The following RNPEP variants were observed in gnomAD, a reference collection of about 807,000 sequenced individuals.
The protein encoded by RNPEP is arginyl aminopeptidase.
RNPEP carries 57 observed loss-of-function variants against 70.1 expected under a neutral mutation model. That is an observed-to-expected ratio of 0.81 (90% CI 0.66 to 1.01). The LOEUF (loss-of-function observed/expected upper bound fraction) is 1.01. Among genes scored for constraint, RNPEP ranks in the 50% least tolerant of loss-of-function variants. The pLI is 0.00. For missense variants in RNPEP, 787 were observed against 852.4 expected, an observed-to-expected ratio of 0.92 and a Z score of 0.96; for synonymous variants, 335 against 357.4, an observed-to-expected ratio of 0.94 and a Z score of 0.71.
Position 202,005,933 on chromosome 1 carries a change from C to T in RNPEP, c.*217C>T. ...AGCCCCGAGACAGAGAACCTGCCCA[C>T]AGCTCTCCCCGCTACAGGCTGCAGG... is the stretch of plus-strand genomic sequence containing the variant. On this transcript the variant is annotated 3_prime_UTR_variant, in exon 11 of 11. Coordinates refer to ENST00000295640, the MANE Select transcript of RNPEP (RefSeq NM_020216.4). The T allele has an allele frequency of 3.5e-6, 2 of 569,028 alleles. No individual in the cohort carries two copies. The highest frequency in any genetic ancestry group is 6.2e-6 in the Non-Finnish European group (2 of 322,810). 35.2% of individuals were successfully genotyped at this position (569,028 alleles called of 1,614,324 possible). A position where few individuals can be genotyped will look rare whatever the true frequency, so the allele number is the denominator to read the frequency against.
chr1:201,991,381 C>T (rs970159368), intron 3 of RNPEP, among the ~76,000 whole-genome samples: 5 of 152,042 alleles, frequency 3.3e-5, no homozygotes, highest in African/African-American at 7.2e-5. Flanking sequence ...CCAAAGTGCT[C>T]GATTACAGGC....
Position 202,004,486 on chromosome 1 carries a change from T to C in RNPEP, c.1784T>C (p.Leu595Pro). Reference sequence around the variant, plus strand: ...GATTTCTGGAAAGTGAAGGAGTTCCTGCATAACCAGGTGGGTGACCCCTGC... The same window carrying C: ...GATTTCTGGAAAGTGAAGGAGTTCCCGCATAACCAGGTGGGTGACCCCTGC... The part of the protein sequence containing the change: ...QEDFWKVKEF[L>P]HNQGKQKYTL... The change falls in exon 10 of 11, where the codon CTG becomes CCG. Residue 595 changes from leucine to proline, a missense_variant. Transcript: ENST00000295640. 4 of 1,613,716 alleles carry C rather than the reference T, an allele frequency of 2.5e-6. No homozygotes were observed. Among genetic ancestry groups the C allele is most frequent in the Non-Finnish European group, 3.4e-6 (4 of 1,179,994 alleles).
chr1:201,984,182 G>T (rs1438623895), intron 1 of RNPEP, among the ~76,000 whole-genome samples: 4 of 152,076 alleles, frequency 2.6e-5, no homozygotes, highest in Non-Finnish European at 4.4e-5. Context: ...CGCCTGCCTC[G>T]GCGGCCTCCC....
chr1:202,001,340 A>G (rs750150029), intron 6 of RNPEP, 36 bp from the exon 7 acceptor site: 24 of 1,462,954 alleles, frequency 1.6e-5, no homozygotes, highest in Non-Finnish European at 2.1e-5. Flanking sequence ...GACAGGCTAC[A>G]AAAGCTCAAA....
chr1:201,993,685 A>G (rs975124571), intron 3 of RNPEP, among the ~76,000 whole-genome samples: 13 of 151,882 alleles, frequency 8.6e-5, no homozygotes, highest in African/African-American at 3.1e-4. Flanking sequence ...AGGCTGAGGC[A>G]GGAGAATGGT....
intron 5 of RNPEP, among the ~76,000 whole-genome samples, chr1:201,998,430 G>T (rs1428154018): frequency 5.9e-5 from 9 of 152,028 alleles, no homozygotes; most frequent in Admixed American, 5.9e-4. Context: ...GTTTTTAGTA[G>T]AGACAGGATT....
At chr1:201,993,621 A>AC (rs1420335770) in intron 3 of RNPEP, among the ~76,000 whole-genome samples, 2 of 151,634 alleles carry the variant, frequency 1.3e-5, no homozygotes, top group Non-Finnish European at 2.9e-5. Flanking sequence ...ACAAAAAAAA[A>AC]AAACAAACTC....
rs1210279103 is a variant in RNPEP at position 201,990,422 on chromosome 1, G to GGTCTTTTA, written c.737+891_737+892insGTCTTTTA. 7.9e-3 allele frequency among the ~76,000 whole-genome samples: 1,208 copies of GGTCTTTTA among 152,338 alleles called. 14 individuals are homozygous for GGTCTTTTA. The highest frequency in any genetic ancestry group is 0.028 in the African/African-American group (1,149 of 41,572). On this transcript the variant is annotated intron_variant, in intron 3 of 10. Coordinates refer to ENST00000295640, the MANE Select transcript of RNPEP (RefSeq NM_020216.4). ...GATTTTGTAAGGTTTCCTGATAAAA[G>GGTCTTTTA]AGGTTTGACCAGGAGTATAGGTTTT...
intron 1 of RNPEP, among the ~76,000 whole-genome samples, chr1:201,986,082 G>A (rs1181731523): frequency 2.6e-5 from 4 of 151,954 alleles, no homozygotes; most frequent in African/African-American, 9.7e-5. Context: ...ATACAACTGC[G>A]CCCAGCTAAT....
chr1:202,000,072 A>T (rs1415940560), intron 6 of RNPEP, 57 bp downstream of exon 6: 3 of 1,267,108 alleles, frequency 2.4e-6, no homozygotes, highest in Non-Finnish European at 3.4e-6. Context: ...TGGAGCCCCA[A>T]GTTAATGCGA....
In RNPEP at chr1:202,000,097, A is replaced by C. The variant is rs577236537; in HGVS notation, c.1204+82A>C. 2.6e-4 allele frequency: 258 copies of C among 992,826 alleles called. 1 individual carries two copies. The African/African-American group carries it at 3.9e-3, about 15-fold the overall frequency. 61.5% of individuals were successfully genotyped at this position (992,826 alleles called of 1,614,324 possible). On this transcript the variant is annotated intron_variant, in intron 6 of 10. Coordinates refer to ENST00000295640, the MANE Select transcript of RNPEP (RefSeq NM_020216.4). ...AGTTAATGCGAACTTCATGTTGATC[A>C]GTGCACGCTTAGAATACTTTATTTG...
Position 202,005,662 on chromosome 1 carries a change from C to T in RNPEP, c.1899C>T (p.Leu633=), listed in dbSNP as rs753359604. 1.2e-6 allele frequency: 2 copies of T among 1,614,250 alleles called. No individual in the cohort carries two copies. Among genetic ancestry groups the T allele is most frequent in the Non-Finnish European group, 8.5e-7 (1 of 1,180,050 alleles). The part of the protein sequence containing the change: ...KETFASTASQ[L]HSNVVNYVQQ... ...CTTTTGCATCCACCGCCTCCCAGCT[C>T]CACAGCAATGTTGTCAACTATGTCC... The change falls in exon 11 of 11, where the codon CTC becomes CTT. Residue 633 remains leucine, a synonymous_variant. Transcript: ENST00000295640.
At chr1:201,992,031 C>T (rs1037588797) in intron 3 of RNPEP, among the ~76,000 whole-genome samples, 2 of 150,314 alleles carry the variant, frequency 1.3e-5, no homozygotes, top group African/African-American at 2.5e-5. Flanking sequence ...TCCCTCCCTC[C>T]CTCCCTCCCT....
In RNPEP at chr1:201,999,847, C is replaced by T. The variant is rs561943740; in HGVS notation, c.1091-55C>T. 4.3e-6 allele frequency: 6 copies of T among 1,395,440 alleles called. No individual in the cohort carries two copies. In the African/African-American group the frequency reaches 8.4e-5, roughly 20 times the overall value. The allele number at this position is 1,395,440 out of a possible 1,614,324, so 86.4% of individuals were successfully genotyped here. A position where few individuals can be genotyped will look rare whatever the true frequency, so the allele number is the denominator to read the frequency against. On this transcript the variant is annotated intron_variant, in intron 5 of 10. Transcript: ENST00000295640. ...GCACAGTGTCTCTGTCAGGAAAATACACTTGGATGTGGTGACAGACGTTTT... is the reference window on the plus strand; with the variant it reads ...GCACAGTGTCTCTGTCAGGAAAATATACTTGGATGTGGTGACAGACGTTTT...
Position 201,996,210 on chromosome 1 carries a change from A to C in RNPEP, c.801A>C (p.Ile267=). 1 of 1,614,132 alleles carries C rather than the reference A, an allele frequency of 6.2e-7. No homozygotes were observed. Among genetic ancestry groups the C allele is most frequent in the South Asian group, 1.1e-5 (1 of 91,082 alleles). Residue 267 remains isoleucine (I), a synonymous_variant, in exon 4 of 11, where the codon ATA becomes ATC. Transcript: ENST00000295640. ...DAAKEEYNGV[I]EEFLATGEKL... ...CCAAGGAGGAGTACAACGGGGTGATAGAAGAATTTTTGGCAACAGGAGAGA... is the reference window on the plus strand; with the variant it reads ...CCAAGGAGGAGTACAACGGGGTGATCGAAGAATTTTTGGCAACAGGAGAGA...
intron 6 of RNPEP, 200 bp from the exon 7 acceptor site, chr1:202,001,176 T>C: frequency 1.7e-6 from 1 of 580,938 alleles, no homozygotes; most frequent in Non-Finnish European, 3.1e-6. Context: ...ATAGAGATCT[T>C]AAGAGAGAGA....
chr1:201,988,855 G>C (rs1235101552), intron 1 of RNPEP, 49 bp from the exon 2 acceptor site: 18 of 1,566,830 alleles, frequency 1.1e-5, no homozygotes, highest in Non-Finnish European at 1.5e-5. Flanking sequence ...TGGCCAGACT[G>C]AGCTCGTGTG....
rs773591769 is a variant in RNPEP, at chr1:201,989,332, C to A, written c.589-51C>A. 1.1e-5 allele frequency: 17 copies of A among 1,596,102 alleles called. No individual in the cohort carries two copies. In the East Asian group the frequency reaches 3.6e-4, roughly 34 times the overall value. Reference sequence around the variant, plus strand: ...CGGTCATGCTCTTATTCAAACTAATCAAAAGGAAACTCTCTCCAGGTAAAA... The same window carrying A: ...CGGTCATGCTCTTATTCAAACTAATAAAAAGGAAACTCTCTCCAGGTAAAA... On this transcript the variant is annotated intron_variant, in intron 2 of 10. Transcript: ENST00000295640.
chr1:201,986,792 G>A (rs1279370969), intron 1 of RNPEP, among the ~76,000 whole-genome samples: 3 of 151,736 alleles, frequency 2.0e-5, no homozygotes, highest in Admixed American at 6.6e-5. Context: ...CACCAGCCTC[G>A]GCCTCCCAAA....
Sources: gnomAD v4.1 joint callset for allele counts (sites outside exome capture counted in the v4.1 genomes callset) on GRCh38, gnomAD v4.1.1 for gene constraint, MANE v1.5 for transcripts, NCBI Gene and HGNC (gene_info 2026-07-23, HGNC 2026-07-21) for gene names.